GUCA1C: variants seen among roughly 807,000 people sequenced by gnomAD.
GUCA1C encodes the protein guanylate cyclase activator 1C.
A neutral mutation model predicts 16.2 loss-of-function variants in GUCA1C; 15 were observed. The ratio of observed to expected loss-of-function variants is 0.93; its 90% CI spans 0.62 to 1.43. GUCA1C has a LOEUF of 1.43. GUCA1C is among the 40% of genes most tolerant of loss of function. GUCA1C has a pLI of 0.00. For synonymous variants in GUCA1C, 78 were observed against 85.4 expected (o/e 0.91, Z 0.48); for missense variants, 275 against 244.8 (o/e 1.12, Z -0.82).
intron 1 of GUCA1C, among the ~76,000 whole-genome samples, chr3:108,932,787 G>A (rs1331907104): frequency 4.6e-5 from 7 of 151,984 alleles, no homozygotes; most frequent in African/African-American, 1.7e-4. Flanking sequence ...CGGGCGTGGC[G>A]GCGCATGCCT....
At chr3:108,912,618 G>A (rs1424450787) in intron 3 of GUCA1C, among the ~76,000 whole-genome samples, 1 of 151,344 alleles carries the variant, frequency 6.6e-6, no homozygotes, top group African/African-American at 2.4e-5. Flanking sequence ...TCTGGCACCT[G>A]GTCTGATTTC....
rs116251382 is a variant in GUCA1C, at chr3:108,914,288, T to A, written c.442+1839A>T. Among the ~76,000 whole-genome samples the A allele has an allele frequency of 3.9e-3, 595 of 152,290 alleles. 6 individuals are homozygous for A. The highest frequency in any genetic ancestry group is 0.013 in the African/African-American group (558 of 41,558). The stretch of plus-strand genomic sequence containing the variant: ...ACGTCTCTTTTAACCCAGCCCTTTC[T>A]ACTTCAAGTTCCTTTCTAATCACAG... On this transcript the variant is annotated intron_variant, in intron 3 of 3. Coordinates refer to ENST00000261047, the MANE Select transcript of GUCA1C (RefSeq NM_005459.4).
intron 1 of GUCA1C, among the ~76,000 whole-genome samples, chr3:108,923,332 T>C (rs1481880221): frequency 6.6e-6 from 1 of 152,008 alleles, no homozygotes; most frequent in Non-Finnish European, 1.5e-5. Flanking sequence ...TCCATCTTGA[T>C]TTGAGACAAG....
rs1259383155 is a variant in GUCA1C, at chr3:108,907,806, T to C, written c.*216A>G. ...GGAGACAATCCTTTAGTGTAATCAT[T>C]ATGTTTTAATCTGCAGAGACAGCAC... On this transcript the variant is annotated 3_prime_UTR_variant, in exon 4 of 4. Coordinates refer to ENST00000261047, the MANE Select transcript of GUCA1C (RefSeq NM_005459.4). 3 of 501,896 alleles carry C rather than the reference T, an allele frequency of 6.0e-6. No individual in the cohort carries two copies. The highest frequency in any genetic ancestry group is 7.0e-6 in the Non-Finnish European group (2 of 284,936). The allele number at this position is 501,896 out of a possible 1,614,324, so 31.1% of individuals were successfully genotyped here. A position where few individuals can be genotyped will look rare whatever the true frequency, so the allele number is the denominator to read the frequency against.
chr3:108,941,011 C>T (rs1246546483), intron 1 of GUCA1C, among the ~76,000 whole-genome samples: 1 of 152,126 alleles, frequency 6.6e-6, no homozygotes, highest in African/African-American at 2.4e-5. Context: ...CTGCACTCTC[C>T]TGTTGCTGGG....
chr3:108,911,207 C>G (rs1468750818), intron 3 of GUCA1C, among the ~76,000 whole-genome samples: 1 of 152,092 alleles, frequency 6.6e-6, no homozygotes, highest in Non-Finnish European at 1.5e-5. Flanking sequence ...AATCCGGTTA[C>G]CTGTTGATAT....
chr3:108,952,057 G>A (rs1294256989), intron 1 of GUCA1C, among the ~76,000 whole-genome samples: 1 of 152,182 alleles, frequency 6.6e-6, no homozygotes, highest in Non-Finnish European at 1.5e-5. Flanking sequence ...TGTAAAACTC[G>A]ATAGCTCATT....
At chr3:108,935,394 T>C (rs1158593404) in intron 1 of GUCA1C, among the ~76,000 whole-genome samples, 2 of 151,732 alleles carry the variant, frequency 1.3e-5, no homozygotes, top group African/African-American at 4.8e-5. Context: ...TTTATATCTA[T>C]AAAGAAAGCA....
At chr3:108,932,924 CAAAAAAA>C (rs57918246) in intron 1 of GUCA1C, among the ~76,000 whole-genome samples, 1 of 68,684 alleles carries the variant, frequency 1.5e-5, no homozygotes, top group Non-Finnish European at 3.1e-5. Context: ...AAAAAAATCT[CAAAAAAA>C]AAAAAAAAAA....
intron 1 of GUCA1C, among the ~76,000 whole-genome samples, chr3:108,925,841 C>T (rs534194872): frequency 1.3e-5 from 2 of 152,228 alleles, no homozygotes; most frequent in African/African-American, 4.8e-5. Flanking sequence ...AATCCCAGCA[C>T]TTTGGGAGGC....
chr3:108,946,697 AG>A (rs1478881915), intron 1 of GUCA1C, among the ~76,000 whole-genome samples: 3 of 152,168 alleles, frequency 2.0e-5, no homozygotes, highest in African/African-American at 7.2e-5. Flanking sequence ...ATGACACAAG[AG>A]GACAATCAGA....
At chr3:108,951,682 G>A (rs1946898028) in intron 1 of GUCA1C, among the ~76,000 whole-genome samples, 1 of 152,114 alleles carries the variant, frequency 6.6e-6, no homozygotes, top group Non-Finnish European at 1.5e-5. Context: ...CACACCTTTT[G>A]TGGCATTTGT....
chr3:108,928,782 A>G (rs1003383406), intron 1 of GUCA1C, among the ~76,000 whole-genome samples: 20 of 152,150 alleles, frequency 1.3e-4, no homozygotes, highest in African/African-American at 4.8e-4. Flanking sequence ...CCTCTATTCC[A>G]TCATATTGAT....
At chr3:108,945,233 A>G (rs1291760186) in intron 1 of GUCA1C, among the ~76,000 whole-genome samples, 3 of 152,182 alleles carry the variant, frequency 2.0e-5, no homozygotes, top group Admixed American at 2.0e-4. Context: ...ATGGCCAGCA[A>G]CAAAAATCTA....
chr3:108,909,151 G>T (rs1240815521), intron 3 of GUCA1C, among the ~76,000 whole-genome samples: 1 of 152,208 alleles, frequency 6.6e-6, no homozygotes, highest in Non-Finnish European at 1.5e-5. Flanking sequence ...TGATTCAAAT[G>T]TCAAACAGCA....
chr3:108,942,906 T>G (rs1214603162), intron 1 of GUCA1C, among the ~76,000 whole-genome samples: 1 of 152,190 alleles, frequency 6.6e-6, no homozygotes, highest in Non-Finnish European at 1.5e-5. Flanking sequence ...ATACAGATGT[T>G]AACTATGTGA....
intron 1 of GUCA1C, among the ~76,000 whole-genome samples, chr3:108,943,084 T>C (rs1946804253): frequency 6.6e-6 from 1 of 152,182 alleles, no homozygotes; most frequent in African/African-American, 2.4e-5. Context: ...GAGCATAAAG[T>C]TTATGCCATA....
intron 1 of GUCA1C, among the ~76,000 whole-genome samples, chr3:108,936,033 G>C (rs1249661760): frequency 1.3e-5 from 2 of 152,064 alleles, no homozygotes; most frequent in Non-Finnish European, 2.9e-5. Flanking sequence ...GGGCAACTAA[G>C]ACAGGTGAAT....
At chr3:108,915,990 G>A in intron 3 of GUCA1C, 137 bp downstream of exon 3, 1 of 877,566 alleles carries the variant, frequency 1.1e-6, no homozygotes, top group Non-Finnish European at 1.7e-6. Flanking sequence ...GAGAACATTG[G>A]ATTGGTCCCA....
Sources: allele counts gnomAD v4.1 joint callset (sites outside exome capture counted in the v4.1 genomes callset), GRCh38; gene constraint gnomAD v4.1.1; transcripts MANE v1.5; gene names NCBI Gene and HGNC (gene_info 2026-07-23, HGNC 2026-07-21).